The following BICC1 variants were observed in gnomAD, a reference collection of about 807,000 sequenced individuals.
The protein encoded by BICC1 is protein bicaudal C homolog 1.
A neutral mutation model predicts 111.0 loss-of-function variants in BICC1; 43 were observed. That is an observed-to-expected ratio of 0.39 (90% CI 0.30 to 0.50). The LOEUF (loss-of-function observed/expected upper bound fraction) is 0.50. BICC1 is among the 20% of genes least tolerant of loss of function. The probability of loss-of-function intolerance (pLI) is 0.88; values close to 1 mark genes in which losing one functional copy is unlikely to be tolerated. For synonymous variants in BICC1, 467 were observed against 434.4 expected (o/e 1.07, Z -0.93); for missense variants, 1,091 against 1,203.2 (o/e 0.91, Z 1.38).
chr10:58,609,621 TAC>T (rs901716647), intron 1 of BICC1, among the ~76,000 whole-genome samples: 1 of 152,264 alleles, frequency 6.6e-6, no homozygotes, highest in Non-Finnish European at 1.5e-5. Context: ...TAAGATTTTT[TAC>T]ATTCTTTTTT....
chr10:58,745,615 A>AT (rs148358628), intron 3 of BICC1, among the ~76,000 whole-genome samples: 1 of 13,954 alleles, frequency 7.2e-5, no homozygotes, highest in Admixed American at 8.8e-4. Flanking sequence ...CCCCCCCCAC[A>AT]TTTTTTTCTG....
At chr10:58,743,643 TCA>T (rs1268687314) in intron 3 of BICC1, among the ~76,000 whole-genome samples, 2 of 152,100 alleles carry the variant, frequency 1.3e-5, no homozygotes, top group Admixed American at 1.3e-4. Flanking sequence ...CAGTGCAGGC[TCA>T]CAGTGTGTGC....
At chr10:58,796,162 A>G (rs1843345833) in intron 9 of BICC1, among the ~76,000 whole-genome samples, 178 bp from the exon 10 acceptor site, 8 of 152,222 alleles carry the variant, frequency 5.3e-5, no homozygotes. Flanking sequence ...GGGTTTTGCC[A>G]GAAGGAGTAA....
At chr10:58,530,351 T>C (rs1375780642) in intron 1 of BICC1, among the ~76,000 whole-genome samples, 1 of 151,854 alleles carries the variant, frequency 6.6e-6, no homozygotes, top group Non-Finnish European at 1.5e-5. Context: ...GCTATATCCC[T>C]AAATTGTCCA....
intron 2 of BICC1, among the ~76,000 whole-genome samples, chr10:58,637,284 T>A (rs1175069179): frequency 6.6e-6 from 1 of 152,228 alleles, no homozygotes; most frequent in Non-Finnish European, 1.5e-5. Context: ...AAATATGTTT[T>A]TTCCTTTGTT....
At chr10:58,533,143 A>G (rs1589069878) in intron 1 of BICC1, among the ~76,000 whole-genome samples, 1 of 152,012 alleles carries the variant, frequency 6.6e-6, no homozygotes, top group Non-Finnish European at 1.5e-5. Flanking sequence ...AACGTCTGGG[A>G]AAGCTTCATC....
At chr10:58,669,052 T>G (rs368276230) in intron 2 of BICC1, among the ~76,000 whole-genome samples, 47 of 152,258 alleles carry the variant, frequency 3.1e-4, no homozygotes, top group African/African-American at 1.1e-3. Context: ...TTTCCCAGAT[T>G]ATTTGTTAAG....
At position 58,747,154 on chromosome 10, in the gene BICC1, A is replaced by G. The variant is rs891121874; in HGVS notation, c.308-37847A>G. Reference sequence around the variant, plus strand: ...TAAAAAGAGAAATATAAAGTGATATATTTGTTTGTTATTAAAGCCTTTTTG... The same window carrying G: ...TAAAAAGAGAAATATAAAGTGATATGTTTGTTTGTTATTAAAGCCTTTTTG... On this transcript the variant is annotated intron_variant, in intron 3 of 20. Coordinates refer to ENST00000373886, the MANE Select transcript of BICC1 (RefSeq NM_001080512.3). Among the ~76,000 whole-genome samples the G allele has an allele frequency of 2.6e-5, 4 of 152,166 alleles. No homozygotes were observed. In the East Asian group the frequency reaches 7.7e-4, roughly 29 times the overall value.
chr10:58,626,497 C>T (rs561496069), intron 2 of BICC1, among the ~76,000 whole-genome samples: 70 of 152,242 alleles, frequency 4.6e-4, no homozygotes, highest in African/African-American at 1.6e-3. Flanking sequence ...TTATGATTTA[C>T]TCACCTTCTA....
chr10:58,545,775 C>T (rs757444644), intron 1 of BICC1, among the ~76,000 whole-genome samples: 45 of 152,084 alleles, frequency 3.0e-4, no homozygotes, highest in Non-Finnish European at 5.3e-4. Context: ...TGTCCCTTTA[C>T]GTTTCATGGT....
chr10:58,683,700 T>C (rs1839614949), intron 2 of BICC1, among the ~76,000 whole-genome samples: 1 of 152,096 alleles, frequency 6.6e-6, no homozygotes, highest in Non-Finnish European at 1.5e-5. Flanking sequence ...TGTATAGGAG[T>C]GCTTGTGATT....
At chr10:58,743,832 T>A (rs1841747873) in intron 3 of BICC1, among the ~76,000 whole-genome samples, 1 of 151,836 alleles carries the variant, frequency 6.6e-6, no homozygotes, top group Non-Finnish European at 1.5e-5. Flanking sequence ...ATAAAAATGG[T>A]TACTGCAGGT....
At chr10:58,706,866 T>C (rs925697885) in intron 3 of BICC1, among the ~76,000 whole-genome samples, 2 of 150,768 alleles carry the variant, frequency 1.3e-5, no homozygotes, top group Non-Finnish European at 2.9e-5. Context: ...TATTTCTTTA[T>C]TGCACTATGA....
chr10:58,642,905 T>G (rs552380480), intron 2 of BICC1, among the ~76,000 whole-genome samples: 4 of 152,156 alleles, frequency 2.6e-5, no homozygotes, highest in Admixed American at 2.6e-4. Flanking sequence ...ATGGGGTCTT[T>G]GTTGCCCAGG....
chr10:58,767,813 A>G (rs183581283), intron 3 of BICC1, among the ~76,000 whole-genome samples: 4 of 152,170 alleles, frequency 2.6e-5, no homozygotes, highest in Admixed American at 2.6e-4. Flanking sequence ...TGAAGACTGC[A>G]ATGAATGAAA....
chr10:58,513,738 T>C (rs1020696559), intron 1 of BICC1, among the ~76,000 whole-genome samples: 1 of 152,200 alleles, frequency 6.6e-6, no homozygotes, highest in African/African-American at 2.4e-5. Context: ...TCTGTCTCTC[T>C]CCGTCTGTTT....
intron 2 of BICC1, among the ~76,000 whole-genome samples, chr10:58,658,782 T>C (rs1172810192): frequency 3.3e-5 from 5 of 152,146 alleles, no homozygotes; most frequent in African/African-American, 1.2e-4. Context: ...CCATCATTCC[T>C]GGAGCATTTT....
At position 58,654,096 on chromosome 10, in the gene BICC1, G is replaced by T. The variant is rs1406051941; in HGVS notation, c.237+33195G>T. Among the ~76,000 whole-genome samples the T allele has an allele frequency of 3.7e-5, 5 of 135,102 alleles. No individual in the cohort carries two copies. In the East Asian group the frequency reaches 1.1e-3, roughly 31 times the overall value. The allele number at this position is 135,102 out of a possible 152,430, so 88.6% of individuals were successfully genotyped here. A position where few individuals can be genotyped will look rare whatever the true frequency, so the allele number is the denominator to read the frequency against. On this transcript the variant is annotated intron_variant, in intron 2 of 20. Coordinates refer to ENST00000373886, the MANE Select transcript of BICC1 (RefSeq NM_001080512.3). ...CAGTCTATCATTGTTGGACATTTGG[G>T]TTGGTTCCAAGTCTTTGCTATTGTG...
intron 1 of BICC1, among the ~76,000 whole-genome samples, chr10:58,585,737 G>T (rs1318404321): frequency 2.0e-5 from 3 of 152,092 alleles, no homozygotes; most frequent in Non-Finnish European, 4.4e-5. Flanking sequence ...CTCAGATATG[G>T]ACTTGTGAAT....
Sources: gnomAD v4.1 joint callset for allele counts (sites outside exome capture counted in the v4.1 genomes callset) on GRCh38, gnomAD v4.1.1 for gene constraint, MANE v1.5 for transcripts, NCBI Gene and HGNC (gene_info 2026-07-23, HGNC 2026-07-21) for gene names.